Variants in MACROD2 observed in about 807,000 individuals in gnomAD.
MACROD2 encodes mono-ADP ribosylhydrolase 2.
In MACROD2, 36 loss-of-function variants were observed where a neutral mutation model predicts 70.4. That is an observed-to-expected ratio of 0.51 (90% CI 0.39 to 0.68). MACROD2 has a LOEUF of 0.68. Ranked by LOEUF, MACROD2 falls within the 30% of genes least tolerant of loss-of-function variation. The pLI, the probability that MACROD2 is intolerant of heterozygous loss-of-function variation, is 0.00. For missense variants in MACROD2, 496 were observed against 538.4 expected, an observed-to-expected ratio of 0.92 and a Z score of 0.78; for synonymous variants, 172 against 178.8, an observed-to-expected ratio of 0.96 and a Z score of 0.30.
intron 5 of MACROD2, among the ~76,000 whole-genome samples, chr20:15,203,590 T>A (rs1031868101): frequency 2.0e-5 from 3 of 152,120 alleles, no homozygotes; most frequent in Admixed American, 6.5e-5. Flanking sequence ...CAGGAAACTT[T>A]GGATAAATAT....
At chr20:14,659,428 C>G (rs370727097) in intron 4 of MACROD2, among the ~76,000 whole-genome samples, 14 of 152,270 alleles carry the variant, frequency 9.2e-5, no homozygotes, top group African/African-American at 3.1e-4. Flanking sequence ...GACAGACACT[C>G]CTTTCGATGT....
intron 8 of MACROD2, among the ~76,000 whole-genome samples, chr20:15,638,755 G>A (rs1029680720): frequency 3.9e-5 from 6 of 152,190 alleles, no homozygotes; most frequent in Middle Eastern, 6.3e-3. Flanking sequence ...ATGTAGGAGA[G>A]AAGAGCATGC....
At chr20:14,164,684 C>T (rs983327356) in intron 3 of MACROD2, among the ~76,000 whole-genome samples, 3 of 151,962 alleles carry the variant, frequency 2.0e-5, no homozygotes, top group Non-Finnish European at 4.4e-5. Flanking sequence ...TGACCGCAGG[C>T]TCTGGGAGGA....
intron 3 of MACROD2, among the ~76,000 whole-genome samples, chr20:14,211,517 T>C (rs1157827982): frequency 6.6e-6 from 1 of 152,220 alleles, no homozygotes; most frequent in Non-Finnish European, 1.5e-5. Context: ...AGCTTTCATT[T>C]ATACCTCCAG....
At chr20:14,476,602 C>T (rs1486514086) in intron 3 of MACROD2, among the ~76,000 whole-genome samples, 1 of 152,204 alleles carries the variant, frequency 6.6e-6, no homozygotes, top group East Asian at 1.9e-4. Context: ...AGTGATCCGC[C>T]CACCTCAGCC....
At chr20:15,728,817 C>A (rs1282458975) in intron 8 of MACROD2, among the ~76,000 whole-genome samples, 1 of 151,660 alleles carries the variant, frequency 6.6e-6, no homozygotes, top group Non-Finnish European at 1.5e-5. Flanking sequence ...TCCTATAAAT[C>A]TTATTTATTC....
At chr20:14,552,302 CTA>C (rs1210927688) in intron 4 of MACROD2, among the ~76,000 whole-genome samples, 1 of 99,044 alleles carries the variant, frequency 1.0e-5, no homozygotes, top group Non-Finnish European at 1.8e-5. Flanking sequence ...AAAATTTAAA[CTA>C]TTCATATCTC....
At chr20:15,470,282 C>A (rs1333725858) in intron 7 of MACROD2, among the ~76,000 whole-genome samples, 1 of 152,122 alleles carries the variant, frequency 6.6e-6, no homozygotes, top group East Asian at 1.9e-4. Flanking sequence ...ATCTCCTGAC[C>A]CCATGATCTG....
chr20:15,910,687 C>G (rs998203931), intron 10 of MACROD2, among the ~76,000 whole-genome samples: 22 of 152,026 alleles, frequency 1.4e-4, no homozygotes, highest in African/African-American at 5.1e-4. Flanking sequence ...TGAAATTGAA[C>G]ACGTCGGTCC....
intron 2 of MACROD2, among the ~76,000 whole-genome samples, chr20:14,083,906 A>G (rs1401546881): frequency 1.3e-5 from 2 of 151,616 alleles, no homozygotes; most frequent in East Asian, 3.9e-4. Context: ...CTAAAAATAC[A>G]AAAAACTAGC....
intron 15 of MACROD2, among the ~76,000 whole-genome samples, chr20:16,037,215 G>T (rs57547760): frequency 0.057 from 8,606 of 152,008 alleles, 502 homozygotes; most frequent in African/African-American, 0.14. Flanking sequence ...TTTGCATTTT[G>T]CTTTCTTCAA....
At chr20:15,619,162 T>TGA (rs2049088608) in intron 8 of MACROD2, among the ~76,000 whole-genome samples, 1 of 152,228 alleles carries the variant, frequency 6.6e-6, no homozygotes. Flanking sequence ...TCAGGCCGCA[T>TGA]GACTCCTAAA....
intron 5 of MACROD2, among the ~76,000 whole-genome samples, chr20:14,839,734 T>A (rs1011222265): frequency 1.3e-5 from 2 of 152,030 alleles, no homozygotes. Context: ...GAGAACTGAT[T>A]TTTGGATATT....
chr20:15,374,980 A>G (rs2045542935), intron 6 of MACROD2, among the ~76,000 whole-genome samples: 2 of 152,190 alleles, frequency 1.3e-5, no homozygotes, highest in South Asian at 4.1e-4. Context: ...TCCTGACTTA[A>G]AAGAGGGGCT....
chr20:14,879,295 G>A (rs2122458708), intron 5 of MACROD2, among the ~76,000 whole-genome samples: 1 of 152,224 alleles, frequency 6.6e-6, no homozygotes, highest in Middle Eastern at 3.4e-3. Flanking sequence ...TTTAATGTAT[G>A]TCATCTGTAT....
At chr20:14,169,450 A>G (rs1431037271) in intron 3 of MACROD2, among the ~76,000 whole-genome samples, 1 of 151,324 alleles carries the variant, frequency 6.6e-6, no homozygotes, top group Non-Finnish European at 1.5e-5. Context: ...GATTACAGGC[A>G]TGTGCCACCA....
In MACROD2 at chr20:15,128,169, C is replaced by T. The variant is rs142576568; in HGVS notation, c.419-101771C>T. 3.5e-4 allele frequency among the ~76,000 whole-genome samples: 54 copies of T among 152,192 alleles called. 2 individuals are homozygous for T. In the East Asian group the frequency reaches 5.4e-3, roughly 15 times the overall value. On this transcript the variant is annotated intron_variant, in intron 5 of 17. Coordinates refer to ENST00000684519, the MANE Select transcript of MACROD2 (RefSeq NM_001351661.2). ...TTTTAAAAAGAGGCAGGTGTTTTAG[C>T]TCTAAGAATACCTGTATGTTTTTAG...
At chr20:14,490,386 C>G (rs145076729) in intron 3 of MACROD2, among the ~76,000 whole-genome samples, 2 of 152,180 alleles carry the variant, frequency 1.3e-5, no homozygotes, top group Admixed American at 6.5e-5. Context: ...CATCTCCTTG[C>G]GTGAAGTTAT....
At chr20:14,788,360 G>A (rs953951624) in intron 5 of MACROD2, among the ~76,000 whole-genome samples, 26 of 151,850 alleles carry the variant, frequency 1.7e-4, no homozygotes, top group African/African-American at 5.8e-4. Context: ...CAAGGCGGGC[G>A]GATTGCTTGA....
Sources: allele counts gnomAD v4.1 joint callset (sites outside exome capture counted in the v4.1 genomes callset), GRCh38; gene constraint gnomAD v4.1.1; transcripts MANE v1.5; gene names NCBI Gene and HGNC (gene_info 2026-07-23, HGNC 2026-07-21).